Variants in ERBB4 observed in about 807,000 individuals in gnomAD.
ERBB4 encodes the protein receptor tyrosine-protein kinase erbB-4.
Under a neutral mutation model 158.0 loss-of-function variants are expected in ERBB4, and 42 were observed. The ratio of observed to expected loss-of-function variants is 0.27; its 90% CI spans 0.21 to 0.34. The LOEUF (loss-of-function observed/expected upper bound fraction) is 0.34. ERBB4 is among the 10% of genes least tolerant of loss of function. The pLI is 1.00. For missense variants in ERBB4, 1,333 were observed against 1,624.1 expected (o/e 0.82, Z 3.08); for synonymous variants, 583 against 558.7 (o/e 1.04, Z -0.61).
At chr2:211,646,109 G>A (rs2070774046) in intron 16 of ERBB4, among the ~76,000 whole-genome samples, 1 of 151,374 alleles carries the variant, frequency 6.6e-6, no homozygotes, top group Admixed American at 6.6e-5. Flanking sequence ...AGTAAAGTAA[G>A]TTATTGAATA....
intron 2 of ERBB4, among the ~76,000 whole-genome samples, chr2:212,022,662 C>A (rs921232711): frequency 6.6e-6 from 1 of 151,978 alleles, no homozygotes; most frequent in Non-Finnish European, 1.5e-5. Flanking sequence ...ACCTGCACAT[C>A]CTGCACGTGT....
intron 2 of ERBB4, among the ~76,000 whole-genome samples, chr2:212,057,301 A>G (rs2125411044): frequency 6.6e-6 from 1 of 152,304 alleles, no homozygotes; most frequent in African/African-American, 2.4e-5. Flanking sequence ...AGACCTAGAA[A>G]CAGACTTAGA....
chr2:211,654,350 A>G (rs931608236), intron 16 of ERBB4, among the ~76,000 whole-genome samples: 1 of 152,264 alleles, frequency 6.6e-6, no homozygotes, highest in African/African-American at 2.4e-5. Flanking sequence ...GTCACACTGC[A>G]TTATATTTAA....
chr2:212,111,632 C>CT (rs35995325), intron 2 of ERBB4, among the ~76,000 whole-genome samples: 59 of 149,744 alleles, frequency 3.9e-4, no homozygotes, highest in South Asian at 1.9e-3. Flanking sequence ...TTTCTCTATT[C>CT]TTTTTTTTTT....
At chr2:211,524,558 C>T (rs541010233) in intron 20 of ERBB4, among the ~76,000 whole-genome samples, 32 of 152,260 alleles carry the variant, frequency 2.1e-4, no homozygotes, top group Non-Finnish European at 3.2e-4. Context: ...AGAAATCAAG[C>T]GCAGCGCTGG....
At chr2:211,417,590 A>G (rs2063421978) in intron 25 of ERBB4, among the ~76,000 whole-genome samples, 1 of 152,214 alleles carries the variant, frequency 6.6e-6, no homozygotes, top group Non-Finnish European at 1.5e-5. Flanking sequence ...AACTTTCTGG[A>G]CAAATATAAA....
At chr2:211,908,658 A>G (rs1250085432) in intron 3 of ERBB4, among the ~76,000 whole-genome samples, 2 of 151,812 alleles carry the variant, frequency 1.3e-5, no homozygotes, top group Non-Finnish European at 2.9e-5. Flanking sequence ...TATTATTCTT[A>G]TTTGACATTA....
chr2:211,829,923 A>T (rs2077183583), intron 3 of ERBB4, among the ~76,000 whole-genome samples: 1 of 152,198 alleles, frequency 6.6e-6, no homozygotes, highest in South Asian at 2.1e-4. Flanking sequence ...AATGGTCAGC[A>T]AATAGTAACA....
At chr2:212,444,858 T>C (rs138061500) in intron 1 of ERBB4, among the ~76,000 whole-genome samples, 1,803 of 152,072 alleles carry the variant, frequency 0.012, 35 homozygotes, top group African/African-American at 0.041. Flanking sequence ...GTTGATTATA[T>C]TGGACCTCTT....
intron 3 of ERBB4, among the ~76,000 whole-genome samples, chr2:211,896,872 T>C (rs2079110921): frequency 6.6e-6 from 1 of 152,054 alleles, no homozygotes; most frequent in Non-Finnish European, 1.5e-5. Context: ...AATTTCATCA[T>C]TATTTCCAAT....
At chr2:211,599,619 C>T (rs1453514466) in intron 19 of ERBB4, among the ~76,000 whole-genome samples, 1 of 151,104 alleles carries the variant, frequency 6.6e-6, no homozygotes, top group Non-Finnish European at 1.5e-5. Context: ...TCTTCTTTCA[C>T]CTTGGTAATC....
chr2:212,384,510 C>T (rs1272467568), intron 1 of ERBB4, among the ~76,000 whole-genome samples: 3 of 151,634 alleles, frequency 2.0e-5, no homozygotes, highest in Non-Finnish European at 3.0e-5. Flanking sequence ...CCTGAAACTA[C>T]TGTGACATTA....
At chr2:211,802,360 CAT>C (rs1195067926) in intron 3 of ERBB4, among the ~76,000 whole-genome samples, 1 of 151,984 alleles carries the variant, frequency 6.6e-6, no homozygotes, top group Non-Finnish European at 1.5e-5. Flanking sequence ...TTGTCACATA[CAT>C]ATCTTTCCTT....
intron 3 of ERBB4, among the ~76,000 whole-genome samples, chr2:211,851,053 T>C (rs1238584032): frequency 2.6e-5 from 4 of 152,004 alleles, no homozygotes; most frequent in East Asian, 1.9e-4. Context: ...GATACTCATA[T>C]TGAAAATAAA....
chr2:212,485,521 G>A (rs747357397), intron 1 of ERBB4, among the ~76,000 whole-genome samples: 2 of 152,198 alleles, frequency 1.3e-5, no homozygotes, highest in Non-Finnish European at 2.9e-5. Flanking sequence ...GAAACTGGAT[G>A]ACAGCAGCAG....
chr2:211,413,303 C>A (rs2063303870), intron 25 of ERBB4, among the ~76,000 whole-genome samples: 10 of 54,022 alleles, frequency 1.9e-4, no homozygotes, highest in South Asian at 4.0e-4. Flanking sequence ...GAGACCCTGT[C>A]TTAAAAACAC....
intron 15 of ERBB4, among the ~76,000 whole-genome samples, chr2:211,664,406 T>C (rs1479381160): frequency 6.6e-6 from 1 of 152,056 alleles, no homozygotes; most frequent in Non-Finnish European, 1.5e-5. Context: ...CACATGCCTA[T>C]AGGCATTCAC....
Position 211,773,679 on chromosome 2 carries a change from C to G in ERBB4, c.556+14346G>C, listed in dbSNP as rs2075797381. Among the ~76,000 whole-genome samples, 4 of 119,276 alleles carry G rather than the reference C, an allele frequency of 3.4e-5. No homozygotes were observed. The South Asian group carries it at 1.1e-3, about 32-fold the overall frequency. 78.2% of individuals were successfully genotyped at this position (119,276 alleles called of 152,430 possible). ...TATACACACACACACACTTCATATACATACTATGAAGTATATATACTTTAT... is the reference window on the plus strand; with the variant it reads ...TATACACACACACACACTTCATATAGATACTATGAAGTATATATACTTTAT... On this transcript the variant is annotated intron_variant, in intron 4 of 27. Transcript: ENST00000342788.
intron 1 of ERBB4, among the ~76,000 whole-genome samples, chr2:212,126,438 G>A (rs2079929343): frequency 7.9e-6 from 1 of 126,496 alleles, no homozygotes; most frequent in African/African-American, 3.0e-5. Flanking sequence ...CCTAGCCTGA[G>A]CAACAGAGTG....
Sources: gnomAD v4.1 joint callset for allele counts (sites outside exome capture counted in the v4.1 genomes callset) on GRCh38, gnomAD v4.1.1 for gene constraint, MANE v1.5 for transcripts, NCBI Gene and HGNC (gene_info 2026-07-23, HGNC 2026-07-21) for gene names.